ULK4: variants seen among roughly 807,000 people sequenced by gnomAD.
ULK4 encodes the protein unc-51 like kinase 4, also known as inactive serine/threonine-protein kinase ULK4.
ULK4 carries 133 observed loss-of-function variants against 160.6 expected under a neutral mutation model. That is an observed-to-expected ratio of 0.83 (90% CI 0.72 to 0.96). The LOEUF (loss-of-function observed/expected upper bound fraction) is 0.96. Ranked by LOEUF, ULK4 falls within the 40% of genes least tolerant of loss-of-function variation. The pLI is 0.00. For synonymous variants in ULK4, 534 were observed against 539.8 expected, an observed-to-expected ratio of 0.99 and a Z score of 0.15; for missense variants, 1,580 against 1,499.5, an observed-to-expected ratio of 1.05 and a Z score of -0.89.
chr3:41,378,976 G>A (rs2081583945), intron 35 of ULK4, among the ~76,000 whole-genome samples: 1 of 151,972 alleles, frequency 6.6e-6, no homozygotes, highest in African/African-American at 2.4e-5. Flanking sequence ...AACACTGCAT[G>A]TTCTCACTCA....
At chr3:41,489,091 C>T (rs992757303) in intron 32 of ULK4, among the ~76,000 whole-genome samples, 3 of 152,044 alleles carry the variant, frequency 2.0e-5, no homozygotes, top group Admixed American at 2.0e-4. Flanking sequence ...TCCTTCAACT[C>T]TCCCTTTCAT....
chr3:41,308,783 T>A (rs544138572), intron 35 of ULK4, among the ~76,000 whole-genome samples: 1 of 152,208 alleles, frequency 6.6e-6, no homozygotes, highest in South Asian at 2.1e-4. Flanking sequence ...GATTTTTGGA[T>A]TAGACATGCT....
At chr3:41,640,787 C>A (rs1961364) in intron 30 of ULK4, among the ~76,000 whole-genome samples, 2 of 151,974 alleles carry the variant, frequency 1.3e-5, no homozygotes, top group African/African-American at 2.4e-5. Flanking sequence ...AATAATCCAA[C>A]GATATATACA....
intron 34 of ULK4, among the ~76,000 whole-genome samples, chr3:41,441,189 G>A (rs1020817712): frequency 6.6e-6 from 1 of 151,878 alleles, no homozygotes; most frequent in African/African-American, 2.4e-5. Context: ...CTTACGTTGG[G>A]TTTAATTTGC....
intron 35 of ULK4, among the ~76,000 whole-genome samples, chr3:41,382,209 C>T (rs1559557907): frequency 6.6e-6 from 1 of 152,156 alleles, no homozygotes; most frequent in Non-Finnish European, 1.5e-5. Context: ...GCTATCATGT[C>T]ACTCTCTTAG....
chr3:41,265,210 G>C (rs145232791), intron 35 of ULK4, among the ~76,000 whole-genome samples: 1 of 152,230 alleles, frequency 6.6e-6, no homozygotes, highest in South Asian at 2.1e-4. Flanking sequence ...GCCACAGGGG[G>C]CCACGGCCAG....
chr3:41,644,242 G>A (rs1385463106), intron 30 of ULK4, among the ~76,000 whole-genome samples: 1 of 151,926 alleles, frequency 6.6e-6, no homozygotes, highest in African/African-American at 2.4e-5. Context: ...GAATAGGAGT[G>A]GTGAGAGAGG....
chr3:41,561,665 T>C (rs2087575442), intron 32 of ULK4, among the ~76,000 whole-genome samples: 2 of 152,232 alleles, frequency 1.3e-5, no homozygotes, highest in East Asian at 1.9e-4. Flanking sequence ...GTTTATAGTA[T>C]TCTCTGATGG....
At chr3:41,621,296 T>C (rs184200857) in intron 30 of ULK4, among the ~76,000 whole-genome samples, 6,536 of 152,150 alleles carry the variant, frequency 0.043, 180 homozygotes, top group African/African-American at 0.066. Context: ...AAAAAGAGCC[T>C]GTAGAGCCAA....
intron 18 of ULK4, among the ~76,000 whole-genome samples, chr3:41,826,254 C>G (rs773668534): frequency 1.3e-5 from 2 of 152,078 alleles, no homozygotes; most frequent in African/African-American, 4.8e-5. Context: ...AATCAACTAA[C>G]GAGCAAAATA....
At chr3:41,706,394 A>G (rs888283827) in intron 25 of ULK4, among the ~76,000 whole-genome samples, 4 of 146,116 alleles carry the variant, frequency 2.7e-5, no homozygotes, top group African/African-American at 7.5e-5. Flanking sequence ...ATTTATATAT[A>G]TTAAATATAT....
chr3:41,366,726 T>C (rs535514783), intron 35 of ULK4, among the ~76,000 whole-genome samples: 13 of 152,374 alleles, frequency 8.5e-5, no homozygotes, highest in Non-Finnish European at 1.3e-4. Context: ...ATATGCAAAT[T>C]GCTTTCATGT....
At chr3:41,344,920 G>A (rs2080768151) in intron 35 of ULK4, among the ~76,000 whole-genome samples, 1 of 151,806 alleles carries the variant, frequency 6.6e-6, no homozygotes, top group South Asian at 2.1e-4. Flanking sequence ...AGTCTACAAG[G>A]AACTTGAGTT....
chr3:41,717,085 A>G (rs2037293637), intron 23 of ULK4, among the ~76,000 whole-genome samples: 1 of 152,170 alleles, frequency 6.6e-6, no homozygotes, highest in African/African-American at 2.4e-5. Context: ...AAGTGGGTCA[A>G]AGGGTATGAA....
chr3:41,272,302 T>C (rs934532633), intron 35 of ULK4, among the ~76,000 whole-genome samples: 8 of 152,020 alleles, frequency 5.3e-5, no homozygotes, highest in African/African-American at 9.7e-5. Flanking sequence ...CTTTACCTTC[T>C]GTATACCTGA....
intron 32 of ULK4, among the ~76,000 whole-genome samples, chr3:41,469,669 C>T (rs2125885196): frequency 7.5e-6 from 1 of 133,804 alleles, no homozygotes; most frequent in South Asian, 2.4e-4. Flanking sequence ...CTCAACTGCA[C>T]AAACACCAAT....
intron 35 of ULK4, among the ~76,000 whole-genome samples, chr3:41,363,294 G>T (rs1324973748): frequency 6.6e-6 from 1 of 152,224 alleles, no homozygotes; most frequent in African/African-American, 2.4e-5. Context: ...AGACTTTGAG[G>T]GAGGCCAGAT....
In ULK4 at chr3:41,538,078, T is replaced by A. The variant is rs563499146; in HGVS notation, c.3226+27947A>T. Among the ~76,000 whole-genome samples the A allele has an allele frequency of 1.2e-3, 177 of 152,250 alleles. 3 individuals are homozygous for A. Among genetic ancestry groups the A allele is most frequent in the Non-Finnish European group, 2.0e-3 (136 of 68,008 alleles). On this transcript the variant is annotated intron_variant, in intron 32 of 36. Coordinates refer to ENST00000301831, the MANE Select transcript of ULK4 (RefSeq NM_017886.4). ...CTTCTCCTGTTTGTTACATTGACAT[T>A]TTCAAAGCCAAACCTCTTTCTAAAA...
chr3:41,432,012 C>T (rs368062560), intron 34 of ULK4, among the ~76,000 whole-genome samples: 5 of 151,964 alleles, frequency 3.3e-5, no homozygotes, highest in East Asian at 3.9e-4. Flanking sequence ...AGGCTGATCT[C>T]GATCTCCTGA....
Sources: gnomAD v4.1 joint callset for allele counts (sites outside exome capture counted in the v4.1 genomes callset) on GRCh38, gnomAD v4.1.1 for gene constraint, MANE v1.5 for transcripts, NCBI Gene and HGNC (gene_info 2026-07-23, HGNC 2026-07-21) for gene names.